Variants in MAPKAP1 observed in about 807,000 individuals in gnomAD.
MAPKAP1 encodes target of rapamycin complex 2 subunit MAPKAP1.
Under a neutral mutation model 65.7 loss-of-function variants are expected in MAPKAP1, and 20 were observed. The observed-to-expected ratio is 0.30, with a 90% confidence interval of 0.21 to 0.44. The LOEUF (loss-of-function observed/expected upper bound fraction) is 0.44, where lower values mean the gene tolerates loss of function less well. Ranked by LOEUF, MAPKAP1 falls within the 20% of genes least tolerant of loss-of-function variation. The pLI is 1.00. For missense variants in MAPKAP1, 423 were observed against 648.0 expected, an observed-to-expected ratio of 0.65 and a Z score of 3.77; for synonymous variants, 222 against 244.3, an observed-to-expected ratio of 0.91 and a Z score of 0.85.
intron 4 of MAPKAP1, among the ~76,000 whole-genome samples, chr9:125,635,258 T>C (rs1463602565): frequency 6.6e-6 from 1 of 152,216 alleles, no homozygotes; most frequent in Non-Finnish European, 1.5e-5. Flanking sequence ...ACAGACCCAT[T>C]CACCTCAAAC....
chr9:125,549,450 T>C (rs1830521119), intron 6 of MAPKAP1, among the ~76,000 whole-genome samples: 1 of 152,234 alleles, frequency 6.6e-6, no homozygotes, highest in African/African-American at 2.4e-5. Context: ...GTCCTCTGAG[T>C]ATGACTTTAT....
intron 1 of MAPKAP1, among the ~76,000 whole-genome samples, chr9:125,677,228 C>T (rs1407402306): frequency 2.0e-5 from 3 of 151,974 alleles, no homozygotes; most frequent in Non-Finnish European, 2.9e-5. Context: ...CACTTGTGGT[C>T]AGGAGTTTGA....
intron 3 of MAPKAP1, among the ~76,000 whole-genome samples, chr9:125,662,551 C>T (rs940651535): frequency 2.0e-5 from 3 of 152,140 alleles, no homozygotes; most frequent in East Asian, 1.9e-4. Context: ...GGTGTGGTGG[C>T]GGGCACCCGT....
chr9:125,569,043 A>C (rs191005455), intron 5 of MAPKAP1, among the ~76,000 whole-genome samples: 1 of 152,342 alleles, frequency 6.6e-6, no homozygotes, highest in East Asian at 1.9e-4. Flanking sequence ...GGGGTACTTC[A>C]GGGTAAAACA....
In MAPKAP1 at chr9:125,439,419, C is replaced by T. The variant is rs1852400314; in HGVS notation, c.1444-407G>A. On this transcript the variant is annotated intron_variant, in intron 11 of 11. Transcript: ENST00000265960. The surrounding 1 kb of genome is among the most constrained non-coding windows in gnomAD (Gnocchi z 4.0). ...CCTTTCCCTGTGTGAAGGCCGAGAA[C>T]ACAGGGATGAAAAGCAAACCAAGAC... 6.6e-6 allele frequency among the ~76,000 whole-genome samples: 1 copy of T among 152,182 alleles called. No homozygotes were observed.
At chr9:125,627,998 A>G (rs1017205647) in intron 4 of MAPKAP1, among the ~76,000 whole-genome samples, 7 of 152,234 alleles carry the variant, frequency 4.6e-5, no homozygotes, top group African/African-American at 1.7e-4. Flanking sequence ...TTAATTGTGC[A>G]AAGTGACTAC....
chr9:125,508,664 A>C (rs1398577135), intron 7 of MAPKAP1, among the ~76,000 whole-genome samples: 9 of 152,096 alleles, frequency 5.9e-5, no homozygotes, highest in Non-Finnish European at 1.5e-5. Flanking sequence ...CCAGCCTGGG[A>C]AACACAGTGA....
Sources: gnomAD v4.1 joint callset for allele counts (sites outside exome capture counted in the v4.1 genomes callset) on GRCh38, gnomAD v4.1.1 for gene constraint, Gnocchi (gnomAD v3.1) non-coding constraint, MANE v1.5 for transcripts, NCBI Gene and HGNC (gene_info 2026-07-23, HGNC 2026-07-21) for gene names.